Variants in GCNT1 observed in about 807,000 individuals in gnomAD.
The protein encoded by GCNT1 is glucosaminyl (N-acetyl) transferase 1.
In GCNT1, 16 loss-of-function variants were observed where a neutral mutation model predicts 26.2. The observed-to-expected ratio is 0.61, with a 90% CI of 0.41 to 0.93. The LOEUF is 0.93. Among genes scored for constraint, GCNT1 ranks in the 40% least tolerant of loss-of-function variants. GCNT1 has a pLI of 0.00. For synonymous variants in GCNT1, 183 were observed against 190.8 expected, an observed-to-expected ratio of 0.96 and a Z score of 0.34; for missense variants, 477 against 526.7, an observed-to-expected ratio of 0.91 and a Z score of 0.92.
chr9:76,429,077 G>A (rs1823298855), intron 1 of GCNT1, among the ~76,000 whole-genome samples: 1 of 152,128 alleles, frequency 6.6e-6, no homozygotes, highest in Non-Finnish European at 1.5e-5. Context: ...TAGATAAACT[G>A]CACATCACAG....
the GCNT1 span, among the ~76,000 whole-genome samples, chr9:76,400,465 T>C: frequency 0.026 from 3,907 of 152,300 alleles, 157 homozygotes; most frequent in African/African-American, 0.088. Flanking sequence ...TTCGTGCTGC[T>C]ATAACCTTTC....
At chr9:76,459,874 A>G (rs904967107) in intron 1 of GCNT1, among the ~76,000 whole-genome samples, 186 bp from the exon 2 acceptor site, 1 of 152,126 alleles carries the variant, frequency 6.6e-6, no homozygotes, top group Non-Finnish European at 1.5e-5. Flanking sequence ...TTCTCGCGGC[A>G]GTCTAGGAAA....
chr9:76,430,970 G>C lies in GCNT1; in HGVS notation n.38+11083G>C, dbSNP rs151187740. Among the ~76,000 whole-genome samples the C allele has an allele frequency of 2.6e-3, 400 of 152,312 alleles. 1 individual carries two copies. The highest frequency in any genetic ancestry group is 9.3e-3 in the African/African-American group (387 of 41,576). On this transcript the variant is annotated intron_variant and non_coding_transcript_variant, in intron 1 of 3. Transcript: ENST00000488136. ...CAAAGTGCCGGGATTACGGGCATGAGCCACTGTACCTGGCCTCATCTCTTA... is the reference window on the plus strand; with the variant it reads ...CAAAGTGCCGGGATTACGGGCATGACCCACTGTACCTGGCCTCATCTCTTA...
the GCNT1 span, chr9:76,394,401 G>C: frequency 2.1e-6 from 1 of 470,882 alleles, no homozygotes; most frequent in Admixed American, 4.3e-5. Flanking sequence ...CTCCGCTGGA[G>C]GGCAGCGGAG....
chr9:76,490,636 G>A (rs1824706925), intron 2 of GCNT1, among the ~76,000 whole-genome samples: 1 of 152,200 alleles, frequency 6.6e-6, no homozygotes, highest in East Asian at 1.9e-4. Flanking sequence ...ATAAAACCTT[G>A]TTCAGTCCAT....
At chr9:76,486,267 T>C (rs566790114) in intron 2 of GCNT1, among the ~76,000 whole-genome samples, 59 of 152,324 alleles carry the variant, frequency 3.9e-4, no homozygotes, top group African/African-American at 1.4e-3. Flanking sequence ...TATTAAGCAC[T>C]CCAGGTTAGT....
the GCNT1 span, among the ~76,000 whole-genome samples, chr9:76,395,903 C>T: frequency 1.6e-4 from 25 of 152,162 alleles, no homozygotes; most frequent in Admixed American, 1.4e-3. Context: ...TGCATTCCTT[C>T]TAATATAGGG....
intron 1 of GCNT1, among the ~76,000 whole-genome samples, chr9:76,426,724 C>T (rs1438509854): frequency 2.6e-5 from 4 of 151,986 alleles, no homozygotes; most frequent in Non-Finnish European, 5.9e-5. Context: ...AGCAAAACCC[C>T]GTCTCTATTA....
intron 1 of GCNT1, among the ~76,000 whole-genome samples, chr9:76,451,806 A>G (rs1237183605): frequency 6.6e-6 from 1 of 152,160 alleles, no homozygotes; most frequent in African/African-American, 2.4e-5. Flanking sequence ...CCTACAGAGA[A>G]AACTATGAAG....
chr9:76,437,144 A>G (rs1037184948), upstream of GCNT1, among the ~76,000 whole-genome samples: 2 of 151,910 alleles, frequency 1.3e-5, no homozygotes, highest in Non-Finnish European at 2.9e-5. Flanking sequence ...ATATATGGGG[A>G]AAAAAAGAGA....
chr9:76,444,750 T>C (rs1419409361), intron 1 of GCNT1, among the ~76,000 whole-genome samples: 4 of 152,206 alleles, frequency 2.6e-5, no homozygotes, highest in Non-Finnish European at 5.9e-5. Context: ...ACAAGGAGGC[T>C]GATGCCCTCT....
chr9:76,437,702 AC>A (rs1823428337), upstream of GCNT1, among the ~76,000 whole-genome samples: 2 of 151,876 alleles, frequency 1.3e-5, no homozygotes, highest in African/African-American at 4.8e-5. Context: ...GTGGATCAGG[AC>A]CCCTTTCTGG....
chr9:76,462,725 C>T (rs889572554), intron 2 of GCNT1, among the ~76,000 whole-genome samples: 3 of 152,206 alleles, frequency 2.0e-5, no homozygotes, highest in African/African-American at 7.2e-5. Flanking sequence ...TAAATTTAAA[C>T]ATCTGACGCC....
intron 2 of GCNT1, among the ~76,000 whole-genome samples, chr9:76,492,374 C>A (rs553436974): frequency 6.6e-6 from 1 of 152,234 alleles, no homozygotes; most frequent in African/African-American, 2.4e-5. Context: ...CTCCCAATTA[C>A]AACTGAGGAG....
At chr9:76,438,480 G>A (rs1257592240), upstream of GCNT1, among the ~76,000 whole-genome samples, 1 of 152,158 alleles carries the variant, frequency 6.6e-6, no homozygotes, top group Non-Finnish European at 1.5e-5. Flanking sequence ...CAGACTTAAG[G>A]TCTGTGTTGA....
chr9:76,456,915 C>T (rs931971595), upstream of GCNT1, among the ~76,000 whole-genome samples: 1 of 152,184 alleles, frequency 6.6e-6, no homozygotes, highest in African/African-American at 2.4e-5. Flanking sequence ...GTTGAGGCTG[C>T]AGTGAGCTGT....
At chr9:76,497,618 G>A (rs1824944465) in intron 2 of GCNT1, among the ~76,000 whole-genome samples, 1 of 152,172 alleles carries the variant, frequency 6.6e-6, no homozygotes, top group Non-Finnish European at 1.5e-5. Context: ...GACGACAGTG[G>A]TAAAGACCTA....
At chr9:76,478,024 C>G (rs1043011128) in intron 2 of GCNT1, among the ~76,000 whole-genome samples, 1 of 152,164 alleles carries the variant, frequency 6.6e-6, no homozygotes, top group Non-Finnish European at 1.5e-5. Flanking sequence ...TGTAAAAATG[C>G]ACCAATCAGC....
intron 2 of GCNT1, among the ~76,000 whole-genome samples, chr9:76,497,528 C>G (rs750235591): frequency 6.6e-6 from 1 of 152,148 alleles, no homozygotes; most frequent in Non-Finnish European, 1.5e-5. Context: ...TAGACACTTA[C>G]CCATCTTGTT....
Sources: allele counts gnomAD v4.1 joint callset (sites outside exome capture counted in the v4.1 genomes callset), GRCh38; gene constraint gnomAD v4.1.1; transcripts MANE v1.5; gene names NCBI Gene and HGNC (gene_info 2026-07-23, HGNC 2026-07-21).